Variants in DONSON observed in about 807,000 individuals in gnomAD.
The protein encoded by DONSON is protein downstream neighbor of Son.
In DONSON, 43 loss-of-function variants were observed where a neutral mutation model predicts 62.1. The observed-to-expected ratio is 0.69, with a 90% CI of 0.54 to 0.89. The LOEUF (loss-of-function observed/expected upper bound fraction) is 0.89. DONSON is among the 40% of genes least tolerant of loss of function. The pLI, the probability that DONSON is intolerant of heterozygous loss-of-function variation, is 0.00. For synonymous variants in DONSON, 266 were observed against 264.6 expected, an observed-to-expected ratio of 1.01 and a Z score of -0.05; for missense variants, 696 against 697.5, an observed-to-expected ratio of 1.00 and a Z score of 0.03.
In DONSON at chr21:33,581,998, C is replaced by T. The variant is rs2086516883; in HGVS notation, c.1104G>A (p.Met368Ile). 6.2e-7 allele frequency: 1 copy of T among 1,614,028 alleles called. No individual in the cohort carries two copies. Among genetic ancestry groups the T allele is most frequent in the Admixed American group, 1.7e-5 (1 of 60,004 alleles). ...EEESFSWLEE[M>I]GVQDKIKKPD... Reference sequence around the variant, plus strand: ...GCTTTTTAATTTTATCTTGCACACCCATCTCTTCCAGCCAGGAAAAACTTT... The same window carrying T: ...GCTTTTTAATTTTATCTTGCACACCTATCTCTTCCAGCCAGGAAAAACTTT... Residue 368 changes from methionine (M) to isoleucine (I), a missense_variant, in exon 7 of 10, where the codon ATG becomes ATA. Met to Ile is a conservative substitution (Grantham distance 10). Transcript: ENST00000303071.
Position 33,581,281 on chromosome 21 carries a change from G to C in DONSON, c.1350+21C>G, listed in dbSNP as rs1338130288. 4 of 1,609,190 alleles carry C rather than the reference G, an allele frequency of 2.5e-6. No homozygotes were observed. The South Asian group carries it at 3.3e-5, about 13-fold the overall frequency. On this transcript the variant is annotated intron_variant, in intron 8 of 9. Coordinates refer to ENST00000303071, the MANE Select transcript of DONSON (RefSeq NM_017613.4). ...AAAGTAAAGTACTTCTTAAAAGCTA[G>C]GTTATGCAGACTTTTATTACCTTAA...
At position 33,583,675 on chromosome 21, in the gene DONSON, T is replaced by G. The variant is rs1555902727; in HGVS notation, c.786-9A>C. On this transcript the variant is annotated splice_polypyrimidine_tract_variant and intron_variant, in intron 4 of 9. Coordinates refer to ENST00000303071, the MANE Select transcript of DONSON (RefSeq NM_017613.4). ...AAGTAAAGCTCACAGACCTATGAAG[T>G]AAAAAAATTTTCTTAAGGTATTATT... is the stretch of plus-strand genomic sequence containing the variant. 1.9e-6 allele frequency: 3 copies of G among 1,565,860 alleles called. 1 individual carries two copies. The South Asian group carries it at 3.6e-5, about 19-fold the overall frequency.
chr21:33,587,488 A>T, intron 2 of DONSON, 34 bp downstream of exon 2: 1 of 1,545,222 alleles, frequency 6.5e-7, no homozygotes, highest in Middle Eastern at 1.8e-4. Flanking sequence ...AGTTTATACA[A>T]ATACACATTC....
intron 5 of DONSON, among the ~76,000 whole-genome samples, chr21:33,583,058 G>A (rs1156575901): frequency 2.0e-5 from 3 of 151,582 alleles, no homozygotes; most frequent in South Asian, 2.1e-4. Flanking sequence ...AAAATTAGCC[G>A]GGCATGGTTG....
chr21:33,587,729 C>T, intron 1 of DONSON, 127 bp from the exon 2 acceptor site: 1 of 599,006 alleles, frequency 1.7e-6, no homozygotes, highest in South Asian at 2.4e-5. Flanking sequence ...AGAGGCACCC[C>T]ATCCAATCTA....
At chr21:33,580,026 CT>C (rs769130125) in intron 8 of DONSON, among the ~76,000 whole-genome samples, 4 of 151,668 alleles carry the variant, frequency 2.6e-5, no homozygotes, top group Non-Finnish European at 5.9e-5. Context: ...GAAACCTCGT[CT>C]CTATTAAAAA....
Position 33,581,378 on chromosome 21 carries a change from G to C in DONSON, c.1274C>G (p.Ser425Ter), listed in dbSNP as rs758229811. The change falls in exon 8 of 10, where the codon TCA becomes TGA. Residue 425 changes from serine to a stop codon, truncating the protein, a stop_gained. Transcript: ENST00000303071. LOFTEE classifies it high-confidence loss of function. ...LINSKSLVAT[S>*]GPQAGLPPTL... ...TGGAGGAAGTCCTGCCTGTGGACCT[G>C]AGGTAGCAACTAAACTCTTAGAGTT... 3 of 1,614,022 alleles carry C rather than the reference G, an allele frequency of 1.9e-6. No individual in the cohort carries two copies. The highest frequency in any genetic ancestry group is 2.5e-6 in the Non-Finnish European group (3 of 1,180,034).
Position 33,583,442 on chromosome 21 carries a change from G to A in DONSON, c.964+46C>T, listed in dbSNP as rs182381618. ...TTAAATAGCTTTTAGGCCAAAATAGGTTTACTATATAGTATAGTATTCTCA... is the reference window on the plus strand; with the variant it reads ...TTAAATAGCTTTTAGGCCAAAATAGATTTACTATATAGTATAGTATTCTCA... On this transcript the variant is annotated intron_variant, in intron 5 of 9. Coordinates refer to ENST00000303071, the MANE Select transcript of DONSON (RefSeq NM_017613.4). 1.9e-3 allele frequency: 2,753 copies of A among 1,445,486 alleles called. 4 individuals carry two copies. Among genetic ancestry groups the A allele is most frequent in the Non-Finnish European group, 2.3e-3 (2,458 of 1,078,230 alleles). 89.5% of individuals were successfully genotyped at this position (1,445,486 alleles called of 1,614,324 possible).
In DONSON at chr21:33,587,515, G is replaced by T; in HGVS notation, c.402+7C>A. On this transcript the variant is annotated splice_region_variant and intron_variant, in intron 2 of 9. Coordinates refer to ENST00000303071, the MANE Select transcript of DONSON (RefSeq NM_017613.4). ...TACACATTCTAATGATATTTAAAAA[G>T]TATTACCTGAGGTAATTCAGTAACA... 1 of 1,575,380 alleles carries T rather than the reference G, an allele frequency of 6.3e-7. No individual in the cohort carries two copies. Among genetic ancestry groups the T allele is most frequent in the Non-Finnish European group, 8.6e-7 (1 of 1,166,112 alleles).
chr21:33,579,030 T>C lies in DONSON; in HGVS notation c.1563+320A>G, dbSNP rs191811541. Among the ~76,000 whole-genome samples, 6 of 151,562 alleles carry C rather than the reference T, an allele frequency of 4.0e-5. No individual in the cohort carries two copies. The East Asian group carries it at 1.2e-3, about 29-fold the overall frequency. ...GCACATGCCTGTAATCTCAGCTACT[T>C]GGGAGGCTGAGGCAGGAGAACTGTT... On this transcript the variant is annotated intron_variant, in intron 9 of 9. Transcript: ENST00000303071.
rs79972684 is a variant in DONSON, at chr21:33,579,912, T to C, written c.1351-350A>G. ...GCTAAGATTTAGCATGTATTTTGTATTTACATATATAATTTATTATGATTA... is the reference window on the plus strand; with the variant it reads ...GCTAAGATTTAGCATGTATTTTGTACTTACATATATAATTTATTATGATTA... On this transcript the variant is annotated intron_variant, in intron 8 of 9. Transcript: ENST00000303071. Among the ~76,000 whole-genome samples the C allele has an allele frequency of 8.4e-3, 1,274 of 152,318 alleles. 23 individuals carry two copies. Among genetic ancestry groups the C allele is most frequent in the African/African-American group, 0.03 (1,227 of 41,556 alleles).
At chr21:33,579,320 A>G (rs2086478171) in intron 9 of DONSON, 30 bp downstream of exon 9, 2 of 1,475,214 alleles carry the variant, frequency 1.4e-6, no homozygotes, top group South Asian at 1.5e-5. Context: ...AACTACAACT[A>G]AAACAGTCTG....
At position 33,578,225 on chromosome 21, in the gene DONSON, ATTCC is replaced by A. The variant is rs2086458493; in HGVS notation, c.*78_*81del. On this transcript the variant is annotated 3_prime_UTR_variant, in exon 10 of 10. Transcript: ENST00000303071. ...GTTATGTTTATAAACATTTCAGTAT[ATTCC>A]TTCAACTTCAAGAATCTTGAATTTC... is the stretch of plus-strand genomic sequence containing the variant. 3 of 1,455,938 alleles carry A rather than the reference ATTCC, an allele frequency of 2.1e-6. No individual in the cohort carries two copies. In the Admixed American group the frequency reaches 5.8e-5, roughly 28 times the overall value. 90.2% of individuals were successfully genotyped at this position (1,455,938 alleles called of 1,614,324 possible). A position where few individuals can be genotyped will look rare whatever the true frequency, so the allele number is the denominator to read the frequency against.
In DONSON at chr21:33,582,256, G is replaced by A; in HGVS notation, c.965-10C>T. 6.3e-7 allele frequency: 1 copy of A among 1,596,590 alleles called. No homozygotes were observed. Among genetic ancestry groups the A allele is most frequent in the South Asian group, 1.1e-5 (1 of 90,176 alleles). ...AGAGAAAATTCAATACCTATATGAG[G>A]AACAAAAATGTAACTGAGTTGTCAT... On this transcript the variant is annotated splice_polypyrimidine_tract_variant and intron_variant, in intron 5 of 9. Transcript: ENST00000303071.
At chr21:33,586,770 G>A (rs1204797374) in intron 2 of DONSON, among the ~76,000 whole-genome samples, 1 of 151,994 alleles carries the variant, frequency 6.6e-6, no homozygotes, top group Non-Finnish European at 1.5e-5. Context: ...GAGTACCTGG[G>A]ACTACAGGCG....
At chr21:33,586,290 G>C (rs2086576886) in intron 2 of DONSON, 109 bp from the exon 3 acceptor site, 1 of 893,578 alleles carries the variant, frequency 1.1e-6, no homozygotes, top group African/African-American at 1.7e-5. Flanking sequence ...CATATAAGCT[G>C]TATAATAAAT....
intron 8 of DONSON, 47 bp from the exon 9 acceptor site, chr21:33,579,609 C>G: frequency 2.6e-6 from 4 of 1,544,708 alleles, no homozygotes; most frequent in Non-Finnish European, 3.5e-6. Context: ...ATCTCTCAAC[C>G]TTTTGCCTAG....
intron 9 of DONSON, among the ~76,000 whole-genome samples, chr21:33,578,786 G>A (rs903676879): frequency 6.6e-6 from 1 of 152,166 alleles, no homozygotes; most frequent in Non-Finnish European, 1.5e-5. Flanking sequence ...GGATGCAAGA[G>A]GAAATGAAAA....
Position 33,586,325 on chromosome 21 carries a change from G to A in DONSON, c.403-144C>T, listed in dbSNP as rs937235660. 5 of 725,234 alleles carry A rather than the reference G, an allele frequency of 6.9e-6. No individual in the cohort carries two copies. The East Asian group carries it at 1.1e-4, about 16-fold the overall frequency. 44.9% of individuals were successfully genotyped at this position (725,234 alleles called of 1,614,324 possible). A position where few individuals can be genotyped will look rare whatever the true frequency, so the allele number is the denominator to read the frequency against. The stretch of plus-strand genomic sequence containing the variant: ...TAACATGAAAAATACATTACACACT[G>A]TAAAAAAGTCTGAAAGGAGTCACAC... On this transcript the variant is annotated intron_variant, in intron 2 of 9. Coordinates refer to ENST00000303071, the MANE Select transcript of DONSON (RefSeq NM_017613.4).
Sources: allele counts gnomAD v4.1 joint callset (sites outside exome capture counted in the v4.1 genomes callset), GRCh38; gene constraint gnomAD v4.1.1; transcripts MANE v1.5; gene names NCBI Gene and HGNC (gene_info 2026-07-23, HGNC 2026-07-21).